The following FAM107B variants were observed in gnomAD, a reference collection of about 807,000 sequenced individuals.
The protein encoded by FAM107B is family with sequence similarity 107 member B.
A neutral mutation model predicts 31.5 loss-of-function variants in FAM107B; 21 were observed. That is an observed-to-expected ratio of 0.67 (90% CI 0.47 to 0.96). The LOEUF (loss-of-function observed/expected upper bound fraction) is 0.96, where lower values mean the gene tolerates loss of function less well. Ranked by LOEUF, FAM107B falls within the 40% of genes least tolerant of loss-of-function variation. The pLI, the probability that FAM107B is intolerant of heterozygous loss-of-function variation, is 0.00. For missense variants in FAM107B, 452 were observed against 377.1 expected (o/e 1.20, Z -1.64); for synonymous variants, 157 against 141.5 (o/e 1.11, Z -0.78).
intron 2 of FAM107B, chr10:14,652,743 C>G (rs1853933486): frequency 6.6e-6 from 1 of 152,180 alleles, no homozygotes; most frequent in Non-Finnish European, 1.5e-5. Context: ...TGAGAAAAGA[C>G]TATTTAAGGT....
intron 2 of FAM107B, among the ~76,000 whole-genome samples, chr10:14,581,036 G>T (rs1482084429): frequency 6.6e-6 from 1 of 152,186 alleles, no homozygotes; most frequent in Non-Finnish European, 1.5e-5. Flanking sequence ...TCTGCTGCTG[G>T]AAACAGCAGA....
chr10:14,718,116 C>T (rs1483531236), intron 1 of FAM107B, among the ~76,000 whole-genome samples: 1 of 152,142 alleles, frequency 6.6e-6, no homozygotes, highest in Non-Finnish European at 1.5e-5. Context: ...CACTTGAGGT[C>T]AGGAGTTCGA....
intron 2 of FAM107B, among the ~76,000 whole-genome samples, chr10:14,629,446 T>A (rs796435318): frequency 0.53 from 13,901 of 26,414 alleles, 2,873 homozygotes; most frequent in East Asian, 0.72. Context: ...TATATATATA[T>A]TATATATATA....
At chr10:14,720,893 G>A (rs555433058) in intron 1 of FAM107B, among the ~76,000 whole-genome samples, 118 of 152,004 alleles carry the variant, frequency 7.8e-4, no homozygotes, top group Middle Eastern at 6.8e-3. Context: ...AGTGCACAAT[G>A]TGCAGGTTTG....
chr10:14,619,518 T>A (rs185734664), intron 2 of FAM107B, among the ~76,000 whole-genome samples: 75 of 152,298 alleles, frequency 4.9e-4, no homozygotes, highest in African/African-American at 1.7e-3. Flanking sequence ...ATCCAGTTTT[T>A]ATTGGTTGTG....
intron 2 of FAM107B, among the ~76,000 whole-genome samples, chr10:14,666,024 G>T (rs1854395754): frequency 1.3e-5 from 2 of 152,250 alleles, no homozygotes; most frequent in African/African-American, 4.8e-5. Context: ...GGACATGAGG[G>T]AGTCACTTAA....
intron 2 of FAM107B, among the ~76,000 whole-genome samples, chr10:14,566,828 A>G (rs1410150759): frequency 6.6e-6 from 1 of 152,232 alleles, no homozygotes; most frequent in Non-Finnish European, 1.5e-5. Flanking sequence ...GTAAATGCTC[A>G]TGAGAAGGAA....
At chr10:14,537,141 G>C (rs571279193) in intron 2 of FAM107B, among the ~76,000 whole-genome samples, 9 of 152,076 alleles carry the variant, frequency 5.9e-5, no homozygotes, top group Non-Finnish European at 1.3e-4. Context: ...TCCAGACCTG[G>C]AATGGCAGGT....
In FAM107B at chr10:14,774,265, A is replaced by C. The variant is rs1190801871; in HGVS notation, c.399T>G (p.Ile133Met). Residue 133 changes from isoleucine (I) to methionine (M), a missense_variant, in exon 1 of 5, where the codon ATT becomes ATG. Physicochemically the swap from Ile to Met is conservative, Grantham distance 10. Coordinates refer to ENST00000181796, the MANE Select transcript of FAM107B (RefSeq NM_031453.4). Reference protein sequence around the residue: ...FHASIPRPSIIDTPKEEEFRE... With the variant: ...FHASIPRPSIMDTPKEEEFRE... Reference sequence around the variant, plus strand: ...AACACTCACTCACCTTGGGCGTGTCAATAATTGATGGTCTGGGGATGGAAG... The same window carrying C: ...AACACTCACTCACCTTGGGCGTGTCCATAATTGATGGTCTGGGGATGGAAG... The C allele has an allele frequency of 6.2e-7, 1 of 1,610,172 alleles. No homozygotes were observed. The highest frequency in any genetic ancestry group is 2.2e-5 in the East Asian group (1 of 44,798).
rs564881661 is a variant in FAM107B, at chr10:14,550,145, G to C, written c.470-19630C>G. Reference sequence around the variant, plus strand: ...CATCAGTCATAATCCAGATCCTATAGAAGTGAAGTGATCCGATTTATCTTG... The same window carrying C: ...CATCAGTCATAATCCAGATCCTATACAAGTGAAGTGATCCGATTTATCTTG... On this transcript the variant is annotated intron_variant, in intron 2 of 4. Transcript: ENST00000181796. Among the ~76,000 whole-genome samples, 13 of 152,324 alleles carry C rather than the reference G, an allele frequency of 8.5e-5. No individual in the cohort carries two copies. In the East Asian group the frequency reaches 1.9e-3, roughly 23 times the overall value.
intron 1 of FAM107B, among the ~76,000 whole-genome samples, chr10:14,678,494 G>T (rs888469860): frequency 1.3e-5 from 2 of 152,166 alleles, no homozygotes; most frequent in Non-Finnish European, 1.5e-5. Context: ...GGGGGACACT[G>T]CAGTGAACAA....
At chr10:14,558,082 T>A (rs1373869878) in intron 2 of FAM107B, among the ~76,000 whole-genome samples, 1 of 152,246 alleles carries the variant, frequency 6.6e-6, no homozygotes, top group East Asian at 1.9e-4. Flanking sequence ...CCCTCCCTGT[T>A]CCTCAGTTTC....
rs570332757 is a variant in FAM107B, at chr10:14,648,019, A to G, written c.469+19615T>C. Among the ~76,000 whole-genome samples, 4 of 152,260 alleles carry G rather than the reference A, an allele frequency of 2.6e-5. No individual in the cohort carries two copies. In the East Asian group the frequency reaches 7.7e-4, roughly 29 times the overall value. On this transcript the variant is annotated intron_variant, in intron 2 of 4. Transcript: ENST00000181796. The stretch of plus-strand genomic sequence containing the variant: ...TTTAGCGGAAAAAAAAAAAGGCGAT[A>G]TAAAACATTTTCTTAAGAGGTTTAG...
rs1554846821 is a variant in FAM107B, at chr10:14,671,886, A to AAC, written c.412-4196_412-4195insGT. ...TCCCTTTTATTTAAAAAAAAAAAAC[A>AAC]AAAAAACAAAAAAAAAACCCTCTAT... is the stretch of plus-strand genomic sequence containing the variant. On this transcript the variant is annotated intron_variant, in intron 1 of 4. Coordinates refer to ENST00000181796, the MANE Select transcript of FAM107B (RefSeq NM_031453.4). Among the ~76,000 whole-genome samples the AAC allele has an allele frequency of 8.8e-3, 75 of 8,476 alleles. 2 individuals are homozygous for AAC. The highest frequency in any genetic ancestry group is 0.01 in the African/African-American group (71 of 6,800). 5.6% of individuals were successfully genotyped at this position (8,476 alleles called of 152,430 possible).
intron 2 of FAM107B, among the ~76,000 whole-genome samples, chr10:14,663,073 G>A (rs1366118718): frequency 6.6e-6 from 1 of 152,206 alleles, no homozygotes; most frequent in Non-Finnish European, 1.5e-5. Flanking sequence ...TTGAACATTA[G>A]ACTCAAAGTT....
At chr10:14,571,874 C>A in intron 2 of FAM107B, 2 of 985,436 alleles carry the variant, frequency 2.0e-6, no homozygotes, top group Non-Finnish European at 2.4e-6. Context: ...ATCCATGTCA[C>A]CCATCAAGGC....
intron 2 of FAM107B, among the ~76,000 whole-genome samples, chr10:14,631,112 G>C (rs1215368283): frequency 1.3e-5 from 2 of 151,944 alleles, no homozygotes; most frequent in African/African-American, 4.8e-5. Context: ...CTTTCTATTG[G>C]GATAAACAGA....
chr10:14,721,298 A>G (rs1175818105), intron 1 of FAM107B, among the ~76,000 whole-genome samples: 1 of 152,188 alleles, frequency 6.6e-6, no homozygotes, highest in Non-Finnish European at 1.5e-5. Context: ...TAGTGCCGCT[A>G]TAAACATACG....
intron 2 of FAM107B, among the ~76,000 whole-genome samples, chr10:14,645,646 T>A (rs1853733858): frequency 6.6e-6 from 1 of 152,176 alleles, no homozygotes; most frequent in Non-Finnish European, 1.5e-5. Context: ...TGAGACGTAT[T>A]TTTCTTCCTT....
Sources: allele counts gnomAD v4.1 joint callset (sites outside exome capture counted in the v4.1 genomes callset), GRCh38; gene constraint gnomAD v4.1.1; transcripts MANE v1.5; gene names NCBI Gene and HGNC (gene_info 2026-07-23, HGNC 2026-07-21).